ABCC9: variants seen among roughly 807,000 people sequenced by gnomAD.
The protein encoded by ABCC9 is ATP-binding cassette sub-family C member 9.
A neutral mutation model predicts 188.3 loss-of-function variants in ABCC9; 95 were observed. The observed-to-expected ratio is 0.50, with a 90% CI of 0.43 to 0.60. The LOEUF is 0.60. Ranked by LOEUF, ABCC9 falls within the 20% of genes least tolerant of loss-of-function variation. The pLI, the probability that ABCC9 is intolerant of heterozygous loss-of-function variation, is 0.00. For synonymous variants in ABCC9, 659 were observed against 652.7 expected, an observed-to-expected ratio of 1.01 and a Z score of -0.15; for missense variants, 1,102 against 1,876.3, an observed-to-expected ratio of 0.59 and a Z score of 7.62.
chr12:21,851,959 A>G (rs187575983), intron 24 of ABCC9, 138 bp downstream of exon 24: 23 of 1,038,316 alleles, frequency 2.2e-5, no homozygotes, highest in Non-Finnish European at 3.1e-5. Flanking sequence ...CAAAGATACA[A>G]TTGCTTTGGA....
chr12:21,928,650 T>C (rs1321938804), intron 4 of ABCC9, among the ~76,000 whole-genome samples: 1 of 152,096 alleles, frequency 6.6e-6, no homozygotes, highest in Non-Finnish European at 1.5e-5. Flanking sequence ...ATTTAAGATT[T>C]TAGAAAAAGA....
In ABCC9 at chr12:21,860,958, A is replaced by G. The variant is rs746252529; in HGVS notation, c.2424+13T>C. The G allele has an allele frequency of 3.8e-6, 6 of 1,595,208 alleles. No individual in the cohort carries two copies. The South Asian group carries it at 4.4e-5, about 12-fold the overall frequency. ...TTTTTGTTCATTGCTTAATGAAACT[A>G]TATATAGCTCACCCTCTCTCCAATT... is the stretch of plus-strand genomic sequence containing the variant. On this transcript the variant is annotated intron_variant, in intron 21 of 39. Coordinates refer to ENST00000261200, the MANE Select transcript of ABCC9 (RefSeq NM_020297.4).
chr12:21,852,143 T>C lies in ABCC9; in HGVS notation c.2723A>G (p.Glu908Gly). The change falls in exon 24 of 40, where the codon GAA becomes GGA. Residue 908 changes from glutamate (E) to glycine (G), a missense_variant. Around this residue, in one of 12 missense-constraint regions of ABCC9, gnomAD observed 131 missense variants for 170.2 expected, o/e 0.77. Transcript: ENST00000261200. ...CCGATTCATAAGTGTTTTCCAGTGT[T>C]CATAAAGCTCAACATCTTTGGTTTG... is the stretch of plus-strand genomic sequence containing the variant. ...DIQTKDVELY[E>G]HWKTLMNRQD... 6.2e-7 allele frequency: 1 copy of C among 1,613,798 alleles called. No individual in the cohort carries two copies. The highest frequency in any genetic ancestry group is 2.2e-5 in the East Asian group (1 of 44,822).
intron 18 of ABCC9, among the ~76,000 whole-genome samples, chr12:21,870,455 A>G (rs1369080665): frequency 6.6e-6 from 1 of 152,024 alleles, no homozygotes; most frequent in Non-Finnish European, 1.5e-5. Flanking sequence ...ATAGGGTCTC[A>G]CTATGTTGCC....
chr12:21,831,011 T>TATCTATCTATCTATCTA (rs995163295), intron 30 of ABCC9: 1 of 147,846 alleles, frequency 6.8e-6, no homozygotes, highest in Non-Finnish European at 1.5e-5. Flanking sequence ...TCTATCTATC[T>TATCTATCTATCTATCTA]ATCATCAATC....
intron 5 of ABCC9, among the ~76,000 whole-genome samples, chr12:21,919,230 G>C (rs1427776409): frequency 6.6e-6 from 1 of 151,802 alleles, no homozygotes. Context: ...TGATAAAATG[G>C]ACAAAATTGA....
intron 12 of ABCC9, among the ~76,000 whole-genome samples, chr12:21,897,461 G>T (rs1344744193): frequency 6.6e-6 from 1 of 152,132 alleles, no homozygotes; most frequent in East Asian, 1.9e-4. Flanking sequence ...TGAGTATGAA[G>T]CACTTGACAT....
chr12:21,805,427 A>G, intron 39 of ABCC9: 1 of 963,290 alleles, frequency 1.0e-6, no homozygotes, highest in Non-Finnish European at 1.6e-6. Flanking sequence ...ATCCACTTGC[A>G]AAGAGGAAAA....
chr12:21,839,243 C>T (rs1944257054), intron 29 of ABCC9, among the ~76,000 whole-genome samples: 1 of 152,112 alleles, frequency 6.6e-6, no homozygotes, highest in Non-Finnish European at 1.5e-5. Flanking sequence ...AGAAGAAGCC[C>T]TATTTGCTGT....
chr12:21,838,283 A>AT, intron 29 of ABCC9, 113 bp from the exon 30 acceptor site: 3 of 848,456 alleles, frequency 3.5e-6, no homozygotes, highest in Non-Finnish European at 5.9e-6. Context: ...CCTCATTGAA[A>AT]TTTTTTCCCC....
intron 4 of ABCC9, among the ~76,000 whole-genome samples, chr12:21,928,430 A>T (rs976796859): frequency 5.4e-5 from 8 of 148,272 alleles, no homozygotes; most frequent in Non-Finnish European, 1.2e-4. Context: ...GAAGAAAGAA[A>T]AAAAGAAAAG....
chr12:21,916,451 A>G (rs1517278), intron 6 of ABCC9, among the ~76,000 whole-genome samples: 151,889 of 152,306 alleles, frequency 1, 75,740 homozygotes, highest in Middle Eastern at 1. Context: ...AAGTACAATC[A>G]ATATGCAATT....
intron 13 of ABCC9, 119 bp from the exon 14 acceptor site, chr12:21,894,293 C>A: frequency 8.5e-7 from 1 of 1,175,632 alleles, no homozygotes; most frequent in Non-Finnish European, 1.3e-6. Context: ...ACTATGATAA[C>A]AATGACTTCA....
rs1290630585 is a variant in ABCC9 at position 21,842,363 on chromosome 12, G to C, written c.3424C>G (p.Leu1142Val). Residue 1142 changes from leucine to valine, a missense_variant, in exon 29 of 40, where the codon CTT becomes GTT. Around this residue, in one of 12 missense-constraint regions of ABCC9, gnomAD observed 12 missense variants for 57.2 expected, o/e 0.21. Transcript: ENST00000261200. The part of the protein sequence containing the change: ...TPVFLVALLP[L>V]GVAFYFIQKY... ...TGGATAAAATAAAAGGCAACACCAA[G>C]GGGCAGGAGAGCAACCAGGAACACA... is the stretch of plus-strand genomic sequence containing the variant. 2 of 1,614,104 alleles carry C rather than the reference G, an allele frequency of 1.2e-6. No individual in the cohort carries two copies. Among genetic ancestry groups the C allele is most frequent in the South Asian group, 2.2e-5 (2 of 91,084 alleles).
At chr12:21,932,420 C>CA (rs1949325664) in intron 4 of ABCC9, among the ~76,000 whole-genome samples, 1 of 151,746 alleles carries the variant, frequency 6.6e-6, no homozygotes, top group South Asian at 2.1e-4. Flanking sequence ...TGACAAATTG[C>CA]ATCTAATTAA....
chr12:21,891,183 A>G (rs910588337), intron 14 of ABCC9, among the ~76,000 whole-genome samples: 7 of 152,070 alleles, frequency 4.6e-5, no homozygotes, highest in African/African-American at 1.7e-4. Flanking sequence ...GGAATTCTTA[A>G]TGCCTAGCAA....
chr12:21,893,057 A>G (rs974878522), intron 14 of ABCC9, among the ~76,000 whole-genome samples: 1 of 152,206 alleles, frequency 6.6e-6, no homozygotes, highest in Admixed American at 6.5e-5. Flanking sequence ...TATAAAGAGC[A>G]TATATCTAAA....
rs1264575683 is a variant in ABCC9 at position 21,936,653 on chromosome 12, T to TA, written c.21dup (p.Asn8Ter). On this transcript the variant is annotated frameshift_variant, in exon 3 of 40. Coordinates refer to ENST00000261200, the MANE Select transcript of ABCC9 (RefSeq NM_020297.4). LOFTEE classifies it high-confidence loss of function. ...TTGATATTATATGAAGAAATGTTGT[T>TA]ACCACAAAATGAAAGGCTCATTTCT... 9.9e-6 allele frequency: 16 copies of TA among 1,611,130 alleles called. No homozygotes were observed. The highest frequency in any genetic ancestry group is 1.4e-5 in the Non-Finnish European group (16 of 1,177,634).
chr12:21,817,520 C>T (rs992975730), intron 32 of ABCC9, among the ~76,000 whole-genome samples: 1 of 152,146 alleles, frequency 6.6e-6, no homozygotes, highest in Non-Finnish European at 1.5e-5. Flanking sequence ...ATAACTGTCA[C>T]TATTTTGTGA....
Sources: allele counts gnomAD v4.1 joint callset (sites outside exome capture counted in the v4.1 genomes callset), GRCh38; gene constraint gnomAD v4.1.1; regional missense constraint gnomAD v4.1.1; transcripts MANE v1.5; gene names NCBI Gene and HGNC (gene_info 2026-07-23, HGNC 2026-07-21).